GAS2: variants seen among roughly 807,000 people sequenced by gnomAD.
GAS2 encodes growth arrest specific 2.
Under a neutral mutation model 37.5 loss-of-function variants are expected in GAS2, and 20 were observed. That is an observed-to-expected ratio of 0.53 (90% CI 0.37 to 0.77). GAS2 has a LOEUF of 0.77. GAS2 is among the 30% of genes least tolerant of loss of function. The probability of loss-of-function intolerance (pLI) is 0.00; values close to 1 mark genes in which losing one functional copy is unlikely to be tolerated. For synonymous variants in GAS2, 144 were observed against 132.2 expected (o/e 1.09, Z -0.61); for missense variants, 336 against 373.4 (o/e 0.90, Z 0.82).
chr11:22,656,963 G>A (rs1272210443), intron 1 of GAS2, among the ~76,000 whole-genome samples: 1 of 152,126 alleles, frequency 6.6e-6, no homozygotes, highest in Non-Finnish European at 1.5e-5. Context: ...TGATCCCAGT[G>A]AGTATGATCA....
intron 3 of GAS2, among the ~76,000 whole-genome samples, chr11:22,689,538 G>C (rs990437333): frequency 6.6e-6 from 1 of 152,050 alleles, no homozygotes; most frequent in Non-Finnish European, 1.5e-5. Flanking sequence ...AAGATGAAAG[G>C]CCAGAGGGTT....
intron 5 of GAS2, 34 bp from the exon 6 acceptor site, chr11:22,749,086 T>C: frequency 6.4e-7 from 1 of 1,572,788 alleles, no homozygotes; most frequent in Non-Finnish European, 8.6e-7. Flanking sequence ...CATTATAAGT[T>C]ATGCATATGT....
chr11:22,711,569 C>T (rs1269086028), intron 3 of GAS2, among the ~76,000 whole-genome samples: 1 of 152,190 alleles, frequency 6.6e-6, no homozygotes, highest in Non-Finnish European at 1.5e-5. Context: ...GGCCTGAGAG[C>T]CCTGCTTGCT....
intron 3 of GAS2, among the ~76,000 whole-genome samples, chr11:22,707,159 C>T (rs1263801537): frequency 6.6e-6 from 1 of 152,126 alleles, no homozygotes. Context: ...GGAGATTGGT[C>T]TGGAGTTTCC....
At chr11:22,792,676 C>T (rs1049993870) in intron 7 of GAS2, among the ~76,000 whole-genome samples, 13 of 152,180 alleles carry the variant, frequency 8.5e-5, no homozygotes, top group African/African-American at 3.1e-4. Flanking sequence ...TTTGTGTCAT[C>T]CTCCCTACGG....
At chr11:22,707,745 C>T (rs1241501141) in intron 3 of GAS2, among the ~76,000 whole-genome samples, 1 of 152,150 alleles carries the variant, frequency 6.6e-6, no homozygotes, top group Non-Finnish European at 1.5e-5. Flanking sequence ...AATAGAAAAA[C>T]ATGGTTGATG....
intron 7 of GAS2, among the ~76,000 whole-genome samples, chr11:22,783,983 G>C (rs7929588): frequency 0.96 from 145,832 of 152,238 alleles, 70,138 homozygotes; most frequent in East Asian, 1. Context: ...TGTGTTCTCT[G>C]TTCTGTTCCA....
chr11:22,690,007 TC>T, intron 3 of GAS2, among the ~76,000 whole-genome samples: 1 of 152,344 alleles, frequency 6.6e-6, no homozygotes, highest in South Asian at 2.1e-4. Flanking sequence ...CTTGATCCCA[TC>T]CAAAGCCATG....
chr11:22,778,312 C>G (rs962038060), intron 7 of GAS2, among the ~76,000 whole-genome samples: 12 of 152,154 alleles, frequency 7.9e-5, no homozygotes, highest in Non-Finnish European at 1.5e-4. Flanking sequence ...TATTGTCTAG[C>G]TCCTGGGAAT....
intron 1 of GAS2, among the ~76,000 whole-genome samples, chr11:22,636,476 C>T (rs966427418): frequency 2.6e-5 from 4 of 152,156 alleles, no homozygotes; most frequent in African/African-American, 9.7e-5. Flanking sequence ...AACAGCCATG[C>T]AATTTGGGAT....
chr11:22,668,085 C>T (rs997039566), intron 1 of GAS2: 3 of 152,396 alleles, frequency 2.0e-5, no homozygotes, highest in Non-Finnish European at 4.4e-5. Flanking sequence ...AGGAAGTCCA[C>T]TTTTCCTCCC....
intron 1 of GAS2, among the ~76,000 whole-genome samples, chr11:22,667,478 A>C (rs553923160): frequency 6.6e-6 from 1 of 152,310 alleles, no homozygotes; most frequent in South Asian, 2.1e-4. Context: ...ATTGAGTTTT[A>C]TGTGAATAAA....
intron 7 of GAS2, among the ~76,000 whole-genome samples, chr11:22,773,780 A>G (rs1428326308): frequency 6.6e-6 from 1 of 152,114 alleles, no homozygotes; most frequent in Non-Finnish European, 1.5e-5. Context: ...TCACTTGATC[A>G]TCATTTCAAC....
chr11:22,705,516 C>G (rs1851070469), intron 3 of GAS2, among the ~76,000 whole-genome samples: 2 of 152,132 alleles, frequency 1.3e-5, no homozygotes, highest in Admixed American at 6.6e-5. Context: ...ATTATTGGGT[C>G]CTCCCCAAGA....
chr11:22,762,944 G>T (rs1854475717), intron 7 of GAS2, among the ~76,000 whole-genome samples: 1 of 152,028 alleles, frequency 6.6e-6, no homozygotes, highest in South Asian at 2.1e-4. Context: ...AAGTAGACTG[G>T]TATTACGTCA....
At chr11:22,656,832 A>G (rs1590579367) in intron 1 of GAS2, among the ~76,000 whole-genome samples, 1 of 152,152 alleles carries the variant, frequency 6.6e-6, no homozygotes, top group African/African-American at 2.4e-5. Flanking sequence ...TAGCACTTAC[A>G]TGCTTTCATA....
intron 1 of GAS2, among the ~76,000 whole-genome samples, chr11:22,645,554 A>T (rs910678052): frequency 6.6e-6 from 1 of 152,016 alleles, no homozygotes; most frequent in South Asian, 2.1e-4. Flanking sequence ...AAATATATTT[A>T]TATCAGGCTA....
At chr11:22,794,959 A>G (rs1399136419) in intron 7 of GAS2, among the ~76,000 whole-genome samples, 1 of 152,148 alleles carries the variant, frequency 6.6e-6, no homozygotes, top group Admixed American at 6.5e-5. Flanking sequence ...GCTCATCCTG[A>G]GAAAATCAGT....
chr11:22,811,894 A>T lies in GAS2; in HGVS notation c.820A>T (p.Ile274Phe), dbSNP rs759387460. Residue 274 changes from isoleucine to phenylalanine, a missense_variant, in exon 8 of 8, where the codon ATC (isoleucine) becomes TTC (phenylalanine). Transcript: ENST00000454584. ...LKHDPCRMLQ[I>F]SRVDGKTSPI... The stretch of plus-strand genomic sequence containing the variant: ...ACACGACCCCTGCCGAATGCTGCAG[A>T]TCTCCCGTGTGGATGGCAAAACATC... 1 of 1,614,178 alleles carries T rather than the reference A, an allele frequency of 6.2e-7. No homozygotes were observed. Among genetic ancestry groups the T allele is most frequent in the African/African-American group, 1.3e-5 (1 of 75,068 alleles).
Sources: gnomAD v4.1 joint callset for allele counts (sites outside exome capture counted in the v4.1 genomes callset) on GRCh38, gnomAD v4.1.1 for gene constraint, MANE v1.5 for transcripts, NCBI Gene and HGNC (gene_info 2026-07-23, HGNC 2026-07-21) for gene names.